The following SDK1 variants were observed in gnomAD, a reference collection of about 807,000 sequenced individuals.
SDK1 encodes protein sidekick-1.
In SDK1, 157 loss-of-function variants were observed where a neutral mutation model predicts 245.5. That is an observed-to-expected ratio of 0.64 (90% CI 0.56 to 0.73). SDK1 has a LOEUF of 0.73. Ranked by LOEUF, SDK1 falls within the 30% of genes least tolerant of loss-of-function variation. The pLI, the probability that SDK1 is intolerant of heterozygous loss-of-function variation, is 0.00. For synonymous variants in SDK1, 1,647 were observed against 1,278.5 expected (o/e 1.29, Z -6.15); for missense variants, 3,583 against 3,002.3 (o/e 1.19, Z -4.52).
chr7:3,912,580 C>T (rs1378808570), intron 5 of SDK1, among the ~76,000 whole-genome samples: 1 of 152,212 alleles, frequency 6.6e-6, no homozygotes, highest in Non-Finnish European at 1.5e-5. Flanking sequence ...ATAGGGAAGC[C>T]AACCACCCAC....
chr7:4,073,160 C>T (rs1188732142), intron 20 of SDK1, among the ~76,000 whole-genome samples: 1 of 152,162 alleles, frequency 6.6e-6, no homozygotes, highest in South Asian at 2.1e-4. Context: ...TGGCTCCGGG[C>T]GCCTCTCTCC....
At chr7:3,429,453 G>C (rs983200954) in intron 1 of SDK1, among the ~76,000 whole-genome samples, 8 of 152,066 alleles carry the variant, frequency 5.3e-5, no homozygotes, top group Non-Finnish European at 1.2e-4. Flanking sequence ...AAAGATACCA[G>C]ACCCAAACAT....
chr7:3,438,261 T>G (rs913744951), intron 1 of SDK1, among the ~76,000 whole-genome samples: 9 of 152,244 alleles, frequency 5.9e-5, no homozygotes, highest in African/African-American at 2.2e-4. Flanking sequence ...ATATGACTTC[T>G]GCATAAAAAC....
chr7:4,043,872 C>T (rs1562006), intron 17 of SDK1, among the ~76,000 whole-genome samples: 36,140 of 151,492 alleles, frequency 0.24, 5,990 homozygotes, highest in African/African-American at 0.48. Flanking sequence ...CGTCCTCAAC[C>T]CCAGAGGTTG....
intron 4 of SDK1, among the ~76,000 whole-genome samples, chr7:3,740,197 T>A (rs566452948): frequency 6.6e-5 from 10 of 152,180 alleles, no homozygotes; most frequent in Non-Finnish European, 1.0e-4. Context: ...TGACGTACAC[T>A]GTACGTCAAA....
chr7:3,705,754 T>A (rs1183666964), intron 4 of SDK1, among the ~76,000 whole-genome samples: 1 of 152,060 alleles, frequency 6.6e-6, no homozygotes, highest in Non-Finnish European at 1.5e-5. Flanking sequence ...AATTTTTTTT[T>A]TATCTTGCCT....
Position 3,987,278 on chromosome 7 carries a change from G to C in SDK1, c.2087G>C (p.Gly696Ala). ...VVLSWVRPFD[G>A]NSPILYYIVE... ...CTCTCTTGGGTCCGGCCCTTTGATG[G>C]AAACAGTCCTATTCTTTATTACATC... Residue 696 changes from glycine to alanine, a missense_variant, in exon 14 of 45, where the codon GGA (glycine) becomes GCA (alanine). Coordinates refer to ENST00000404826, the MANE Select transcript of SDK1 (RefSeq NM_152744.4). 1 of 1,614,110 alleles carries C rather than the reference G, an allele frequency of 6.2e-7. No homozygotes were observed. Among genetic ancestry groups the C allele is most frequent in the Non-Finnish European group, 8.5e-7 (1 of 1,179,982 alleles).
intron 1 of SDK1, among the ~76,000 whole-genome samples, chr7:3,387,359 C>T (rs148300841): frequency 2.2e-4 from 34 of 152,270 alleles, no homozygotes; most frequent in African/African-American, 7.7e-4. Context: ...CAGAGGTGGG[C>T]TGTCTTCTCC....
At chr7:3,408,727 C>A (rs1779116687) in intron 1 of SDK1, among the ~76,000 whole-genome samples, 1 of 152,126 alleles carries the variant, frequency 6.6e-6, no homozygotes, top group Non-Finnish European at 1.5e-5. Flanking sequence ...ACAAATTGCT[C>A]TATTTATGAA....
intron 19 of SDK1, among the ~76,000 whole-genome samples, chr7:4,053,615 C>T (rs904331506): frequency 3.3e-5 from 5 of 152,072 alleles, no homozygotes; most frequent in African/African-American, 4.8e-5. Context: ...TGACCTTGAA[C>T]GCCTTATGTT....
intron 1 of SDK1, among the ~76,000 whole-genome samples, chr7:3,471,991 A>G (rs1023871715): frequency 1.3e-5 from 2 of 152,170 alleles, no homozygotes; most frequent in East Asian, 1.9e-4. Flanking sequence ...GATGCATTAT[A>G]GTCTTGAGCA....
chr7:3,679,342 G>A (rs1017228546), intron 4 of SDK1, among the ~76,000 whole-genome samples: 7 of 152,090 alleles, frequency 4.6e-5, no homozygotes, highest in African/African-American at 7.2e-5. Context: ...CGAGGCGGGT[G>A]GATCACGAGG....
intron 4 of SDK1, among the ~76,000 whole-genome samples, chr7:3,668,814 T>C (rs1173989886): frequency 6.6e-6 from 1 of 152,126 alleles, no homozygotes; most frequent in Non-Finnish European, 1.5e-5. Flanking sequence ...CAAAATACTA[T>C]ATTGCCTTTT....
chr7:3,676,457 C>G (rs1427949753), intron 4 of SDK1, among the ~76,000 whole-genome samples: 1 of 151,948 alleles, frequency 6.6e-6, no homozygotes, highest in Non-Finnish European at 1.5e-5. Context: ...TCCCAAGTAG[C>G]TGGGACTACA....
intron 1 of SDK1, among the ~76,000 whole-genome samples, chr7:3,560,153 GTTAC>G (rs1779702695): frequency 6.6e-6 from 1 of 152,142 alleles, no homozygotes; most frequent in Non-Finnish European, 1.5e-5. Context: ...TGTTTTAAAT[GTTAC>G]TTATCATAAA....
chr7:4,099,747 T>G (rs1782412835), intron 22 of SDK1, among the ~76,000 whole-genome samples: 1 of 139,950 alleles, frequency 7.1e-6, no homozygotes, highest in Admixed American at 7.2e-5. Flanking sequence ...AGGCACAGAG[T>G]GGGGCGTGTG....
chr7:3,751,927 A>T (rs895242923), intron 4 of SDK1, among the ~76,000 whole-genome samples: 3 of 152,226 alleles, frequency 2.0e-5, no homozygotes, highest in Non-Finnish European at 4.4e-5. Flanking sequence ...TTGAAACATT[A>T]CAAACAATGG....
chr7:3,523,509 C>T (rs866992241), intron 1 of SDK1, among the ~76,000 whole-genome samples: 3 of 152,192 alleles, frequency 2.0e-5, no homozygotes, highest in Non-Finnish European at 4.4e-5. Flanking sequence ...GCCTGGTGAA[C>T]GGCTGCTAAT....
chr7:3,809,971 G>T (rs542044077), intron 4 of SDK1, among the ~76,000 whole-genome samples: 3 of 152,192 alleles, frequency 2.0e-5, no homozygotes, highest in Non-Finnish European at 4.4e-5. Context: ...TGCGGACACC[G>T]ACAGCCATGC....
Sources: allele counts gnomAD v4.1 joint callset (sites outside exome capture counted in the v4.1 genomes callset), GRCh38; gene constraint gnomAD v4.1.1; transcripts MANE v1.5; gene names NCBI Gene and HGNC (gene_info 2026-07-23, HGNC 2026-07-21).